Variants in FBXL17 observed in about 807,000 individuals in gnomAD.
FBXL17 encodes the protein F-box/LRR-repeat protein 17.
In FBXL17, 22 loss-of-function variants were observed where a neutral mutation model predicts 66.2. The observed-to-expected ratio is 0.33, with a 90% CI of 0.24 to 0.47. FBXL17 has a LOEUF of 0.47. Among genes scored for constraint, FBXL17 ranks in the 20% least tolerant of loss-of-function variants. The pLI is 1.00. For missense variants in FBXL17, 878 were observed against 948.2 expected, an observed-to-expected ratio of 0.93 and a Z score of 0.97; for synonymous variants, 474 against 400.5, an observed-to-expected ratio of 1.18 and a Z score of -2.19.
intron 6 of FBXL17, among the ~76,000 whole-genome samples, chr5:108,081,595 C>T (rs991264916): frequency 2.6e-5 from 4 of 151,978 alleles, no homozygotes; most frequent in South Asian, 2.1e-4. Context: ...TGGTGGCAGG[C>T]GTCTGTAGTC....
intron 6 of FBXL17, among the ~76,000 whole-genome samples, chr5:108,134,231 A>G (rs1751046856): frequency 6.6e-6 from 1 of 152,158 alleles, no homozygotes; most frequent in Non-Finnish European, 1.5e-5. Flanking sequence ...AAACTCTTGT[A>G]TTTCATCTCA....
rs1757826254 is a variant in FBXL17, at chr5:108,284,581, G to A, written c.1507-60353C>T. Among the ~76,000 whole-genome samples the A allele has an allele frequency of 2.6e-5, 4 of 151,772 alleles. No individual in the cohort carries two copies. The South Asian group carries it at 8.3e-4, about 31-fold the overall frequency. ...TGAGTGGGAGGGGGGAAGATGATGA[G>A]AAATTAGTTAATAGGTACAATGTAG... On this transcript the variant is annotated intron_variant, in intron 4 of 8. Transcript: ENST00000542267.
Position 108,381,421 on chromosome 5 carries a change from A to G in FBXL17, c.271T>C (p.Tyr91His). 2 of 1,321,544 alleles carry G rather than the reference A, an allele frequency of 1.5e-6. No homozygotes were observed. The highest frequency in any genetic ancestry group is 1.9e-6 in the Non-Finnish European group (2 of 1,044,178). 81.9% of individuals were successfully genotyped at this position (1,321,544 alleles called of 1,614,324 possible). ...TGCTGAGAGGAGGAGGCGGCAGCGTAGGCCCCGTCCCGCGGCGGCGGCGAG... is the reference window on the plus strand; with the variant it reads ...TGCTGAGAGGAGGAGGCGGCAGCGTGGGCCCCGTCCCGCGGCGGCGGCGAG... The part of the protein sequence containing the change: ...PLSPPPRDGA[Y>H]AAASSSQHLA... The change falls in exon 1 of 9, where the codon TAC becomes CAC. Residue 91 changes from tyrosine (Y) to histidine (H), a missense_variant. This residue lies in a region of FBXL17 where 605 missense variants were observed against 509.5 expected (regional missense o/e 1.19). Coordinates refer to ENST00000542267, the MANE Select transcript of FBXL17 (RefSeq NM_001163315.3).
intron 4 of FBXL17, among the ~76,000 whole-genome samples, chr5:108,326,554 G>T (rs887375542): frequency 1.1e-4 from 16 of 152,084 alleles, no homozygotes; most frequent in African/African-American, 3.9e-4. Context: ...AGTGAGCCAA[G>T]AACCTGACAC....
chr5:108,066,106 T>C (rs1748107583), intron 6 of FBXL17, among the ~76,000 whole-genome samples: 1 of 152,068 alleles, frequency 6.6e-6, no homozygotes, highest in African/African-American at 2.4e-5. Flanking sequence ...AGTAAGTGGG[T>C]AGACCTAGGC....
intron 4 of FBXL17, among the ~76,000 whole-genome samples, chr5:108,231,483 G>C (rs952256169): frequency 6.6e-6 from 1 of 152,056 alleles, no homozygotes; most frequent in African/African-American, 2.4e-5. Flanking sequence ...ATCCATGTTA[G>C]TCCATGTATC....
intron 6 of FBXL17, among the ~76,000 whole-genome samples, chr5:108,118,499 T>G (rs1750352211): frequency 6.6e-6 from 1 of 152,216 alleles, no homozygotes. Flanking sequence ...TTGATCGCAC[T>G]TAAGTTCATC....
chr5:108,375,990 A>G (rs980463682), intron 1 of FBXL17, among the ~76,000 whole-genome samples: 6 of 152,358 alleles, frequency 3.9e-5, no homozygotes, highest in Admixed American at 3.9e-4. Context: ...GTAACACACC[A>G]TATTAATAGA....
At chr5:108,340,332 C>A (rs1417430872) in intron 4 of FBXL17, among the ~76,000 whole-genome samples, 1 of 150,998 alleles carries the variant, frequency 6.6e-6, no homozygotes, top group Non-Finnish European at 1.5e-5. Context: ...AGGAGAATCG[C>A]TTGAGCCCGG....
At chr5:108,143,186 CA>C (rs1233605358) in intron 6 of FBXL17, among the ~76,000 whole-genome samples, 8 of 151,776 alleles carry the variant, frequency 5.3e-5, no homozygotes, top group Non-Finnish European at 7.4e-5. Flanking sequence ...TCCCTGGTGC[CA>C]AAAAGGTTGG....
chr5:108,172,110 T>G (rs1286136189), intron 6 of FBXL17, among the ~76,000 whole-genome samples: 1 of 152,204 alleles, frequency 6.6e-6, no homozygotes, highest in Non-Finnish European at 1.5e-5. Context: ...GAAAACAGAC[T>G]AATATAGATG....
chr5:108,342,681 T>C (rs913785737), intron 4 of FBXL17, among the ~76,000 whole-genome samples: 5 of 152,310 alleles, frequency 3.3e-5, no homozygotes, highest in African/African-American at 7.2e-5. Flanking sequence ...CACCCACCTG[T>C]TGTTAACTTC....
intron 7 of FBXL17, among the ~76,000 whole-genome samples, chr5:108,016,816 G>A (rs1754406512): frequency 7.5e-6 from 1 of 133,308 alleles, no homozygotes; most frequent in South Asian, 2.4e-4. Flanking sequence ...TTTCGCTTTT[G>A]TCGCCCAGGC....
Position 108,381,846 on chromosome 5 carries a change from G to C in FBXL17, c.-155C>G, listed in dbSNP as rs1367561786. 3.9e-6 allele frequency: 5 copies of C among 1,297,814 alleles called. No individual in the cohort carries two copies. The highest frequency in any genetic ancestry group is 3.9e-6 in the Non-Finnish European group (4 of 1,023,590). The allele number at this position is 1,297,814 out of a possible 1,614,324, so 80.4% of individuals were successfully genotyped here. The stretch of plus-strand genomic sequence containing the variant: ...CACACACGGGCACACACGCGACGGT[G>C]GGGGGTGGGCGTCAGCTGCGGGCCG... On this transcript the variant is annotated 5_prime_UTR_variant, in exon 1 of 9. Coordinates refer to ENST00000542267, the MANE Select transcript of FBXL17 (RefSeq NM_001163315.3).
intron 7 of FBXL17, among the ~76,000 whole-genome samples, chr5:107,949,570 G>A (rs927258785): frequency 1.3e-5 from 2 of 152,148 alleles, no homozygotes; most frequent in African/African-American, 2.4e-5. Flanking sequence ...CCAAAAATGA[G>A]GGGAAAATAC....
chr5:107,974,606 C>T (rs570064604), intron 7 of FBXL17, among the ~76,000 whole-genome samples: 5 of 152,102 alleles, frequency 3.3e-5, no homozygotes, highest in East Asian at 3.9e-4. Flanking sequence ...GAACAGTGTT[C>T]GGTTAATCAA....
intron 4 of FBXL17, among the ~76,000 whole-genome samples, chr5:108,263,684 T>G (rs1756928020): frequency 6.6e-6 from 1 of 152,210 alleles, no homozygotes; most frequent in Non-Finnish European, 1.5e-5. Context: ...GCATTAATGT[T>G]CATTATTTCA....
chr5:108,299,096 C>A (rs1214275354), intron 4 of FBXL17: 3 of 976,182 alleles, frequency 3.1e-6, no homozygotes, highest in South Asian at 4.7e-5. Flanking sequence ...TTTTAAAAAA[C>A]AGTCTGATTT....
At chr5:108,169,777 G>A (rs1752539570) in intron 6 of FBXL17, among the ~76,000 whole-genome samples, 1 of 152,012 alleles carries the variant, frequency 6.6e-6, no homozygotes, top group South Asian at 2.1e-4. Context: ...ATTCTATCTT[G>A]TTCAACTTGA....
Sources: allele counts gnomAD v4.1 joint callset (sites outside exome capture counted in the v4.1 genomes callset), GRCh38; gene constraint gnomAD v4.1.1; regional missense constraint gnomAD v4.1.1; transcripts MANE v1.5; gene names NCBI Gene and HGNC (gene_info 2026-07-23, HGNC 2026-07-21).